The following ZCCHC2 variants were observed in gnomAD, a reference collection of about 807,000 sequenced individuals.
ZCCHC2 encodes the protein zinc finger CCHC domain-containing protein 2.
ZCCHC2 carries 39 observed loss-of-function variants against 103.6 expected under a neutral mutation model. The observed-to-expected ratio is 0.38, with a 90% CI of 0.29 to 0.49. ZCCHC2 has a LOEUF of 0.49. Among genes scored for constraint, ZCCHC2 ranks in the 20% least tolerant of loss-of-function variants. The pLI is 0.96. For synonymous variants in ZCCHC2, 687 were observed against 608.9 expected (o/e 1.13, Z -1.89); for missense variants, 1,483 against 1,491.0 (o/e 0.99, Z 0.09).
intron 1 of ZCCHC2, among the ~76,000 whole-genome samples, chr18:62,534,248 T>G (rs1351525299): frequency 6.6e-6 from 1 of 150,498 alleles, no homozygotes; most frequent in African/African-American, 2.5e-5. Context: ...AGGTCAAGGC[T>G]GAAGTGAGCC....
chr18:62,524,166 G>A lies in ZCCHC2; in HGVS notation c.742G>A (p.Gly248Ser). The change falls in exon 1 of 14, where the codon GGC becomes AGC. Residue 248 changes from glycine to serine, a missense_variant. By Grantham distance (56) the Gly-to-Ser change is moderately conservative (BLOSUM62 0). Transcript: ENST00000269499. Reference sequence around the variant, plus strand: ...AGGCGGCATTGTGGAGCCCCGGGTCGGCGGCGGGCTTGGCTCCAGGGCCCA... The same window carrying A: ...AGGCGGCATTGTGGAGCCCCGGGTCAGCGGCGGGCTTGGCTCCAGGGCCCA... ...PEGGIVEPRV[G>S]GGLGSRAQEE... 6.5e-7 allele frequency: 1 copy of A among 1,546,846 alleles called. No homozygotes were observed. The highest frequency in any genetic ancestry group is 8.7e-7 in the Non-Finnish European group (1 of 1,146,026).
rs1598964068 is a variant in ZCCHC2, at chr18:62,570,839, A to G, written c.1975+608A>G. On this transcript the variant is annotated intron_variant, in intron 12 of 13. Coordinates refer to ENST00000269499, the MANE Select transcript of ZCCHC2 (RefSeq NM_017742.6). ...ATTTACATTTAATGTAATTACTAAT[A>G]AGGTAGGTTTTATGTCTGCCATTTT... Among the ~76,000 whole-genome samples, 2 of 152,206 alleles carry G rather than the reference A, an allele frequency of 1.3e-5. 1 individual carries two copies. The highest frequency in any genetic ancestry group is 4.8e-5 in the African/African-American group (2 of 41,450).
intron 4 of ZCCHC2, among the ~76,000 whole-genome samples, chr18:62,545,476 G>A (rs1271744183): frequency 6.6e-6 from 1 of 151,954 alleles, no homozygotes; most frequent in African/African-American, 2.4e-5. Context: ...CCAAACTACT[G>A]GGAATAAGAA....
chr18:62,524,030 C>G lies in ZCCHC2; in HGVS notation c.606C>G (p.Leu202=). The G allele has an allele frequency of 6.8e-6, 10 of 1,469,190 alleles. No individual in the cohort carries two copies. Among genetic ancestry groups the G allele is most frequent in the Non-Finnish European group, 8.9e-6 (10 of 1,121,874 alleles). The allele number at this position is 1,469,190 out of a possible 1,614,324, so 91.0% of individuals were successfully genotyped here. Residue 202 remains leucine, a synonymous_variant, in exon 1 of 14, where the codon CTC becomes CTG. Coordinates refer to ENST00000269499, the MANE Select transcript of ZCCHC2 (RefSeq NM_017742.6). Reference sequence around the variant, plus strand: ...TGCTACCCCAGGTGGACTCGGTGCTCAAAAGCCTGCGCGCGGCCCGGGGCG... The same window carrying G: ...TGCTACCCCAGGTGGACTCGGTGCTGAAAAGCCTGCGCGCGGCCCGGGGCG... ...HRLLPQVDSV[L]KSLRAARGEG...
chr18:62,572,578 CG>C (rs2090861935), intron 12 of ZCCHC2, among the ~76,000 whole-genome samples: 1 of 152,046 alleles, frequency 6.6e-6, no homozygotes, highest in Non-Finnish European at 1.5e-5. Flanking sequence ...TTGAAAAGGG[CG>C]TGGGTGGCTT....
Position 62,523,374 on chromosome 18 carries a change from C to CGG in ZCCHC2, c.-50_-49dup. ...CCGCCTCGGCCCGTGCTCCACCTCG[C>CGG]GGCCCCTCCCGCCCGCCCCCGCTCG... On this transcript the variant is annotated 5_prime_UTR_variant, in exon 1 of 14. Coordinates refer to ENST00000269499, the MANE Select transcript of ZCCHC2 (RefSeq NM_017742.6). 9.9e-7 allele frequency: 1 copy of CGG among 1,013,910 alleles called. No homozygotes were observed. The highest frequency in any genetic ancestry group is 3.7e-5 in the South Asian group (1 of 27,238). The allele number at this position is 1,013,910 out of a possible 1,614,324, so 62.8% of individuals were successfully genotyped here. A position where few individuals can be genotyped will look rare whatever the true frequency, so the allele number is the denominator to read the frequency against.
chr18:62,573,577 A>G (rs552059937), intron 12 of ZCCHC2, among the ~76,000 whole-genome samples: 4 of 152,364 alleles, frequency 2.6e-5, no homozygotes, highest in South Asian at 4.1e-4. Context: ...AACAACAACA[A>G]CAAAAGAAAA....
chr18:62,556,874 A>G lies in ZCCHC2; in HGVS notation c.1408+577A>G, dbSNP rs551439787. On this transcript the variant is annotated intron_variant, in intron 6 of 13. Coordinates refer to ENST00000269499, the MANE Select transcript of ZCCHC2 (RefSeq NM_017742.6). ...AGATTCTAGTTTCCCACTCTGATCTATCCCTGGATTATCACAAGGATAAAT... is the reference window on the plus strand; with the variant it reads ...AGATTCTAGTTTCCCACTCTGATCTGTCCCTGGATTATCACAAGGATAAAT... 7.2e-5 allele frequency among the ~76,000 whole-genome samples: 11 copies of G among 152,300 alleles called. No homozygotes were observed. In the South Asian group the frequency reaches 1.9e-3, roughly 26 times the overall value.
At position 62,565,059 on chromosome 18, in the gene ZCCHC2, C is replaced by T; in HGVS notation, c.1809C>T (p.Leu603=). 1 of 1,613,616 alleles carries T rather than the reference C, an allele frequency of 6.2e-7. No individual in the cohort carries two copies. ...ATAGTAGAATAAATGGTATTAGACT[C>T]TCCACTCCTCAGCATGCCCATGGTG... The part of the protein sequence containing the change: ...RLNSRINGIR[L]STPQHAHGGT... The change falls in exon 11 of 14, where the codon CTC becomes CTT. Residue 603 remains leucine (L), a synonymous_variant. Coordinates refer to ENST00000269499, the MANE Select transcript of ZCCHC2 (RefSeq NM_017742.6).
intron 3 of ZCCHC2, among the ~76,000 whole-genome samples, chr18:62,543,112 C>G (rs2145498944): frequency 6.6e-6 from 1 of 152,256 alleles, no homozygotes; most frequent in South Asian, 2.1e-4. Context: ...TCCACATCTT[C>G]CTTACTTCTC....
At chr18:62,544,150 A>G (rs1002656636) in intron 3 of ZCCHC2, among the ~76,000 whole-genome samples, 1 of 152,166 alleles carries the variant, frequency 6.6e-6, no homozygotes, top group African/African-American at 2.4e-5. Flanking sequence ...AGCATCGAGG[A>G]GGTAGTGGGT....
At chr18:62,549,457 C>G (rs578254200) in intron 4 of ZCCHC2, among the ~76,000 whole-genome samples, 1 of 152,202 alleles carries the variant, frequency 6.6e-6, no homozygotes, top group African/African-American at 2.4e-5. Flanking sequence ...AAATTTACTT[C>G]GGACTTCTCA....
chr18:62,548,489 C>T (rs142140029), intron 4 of ZCCHC2, among the ~76,000 whole-genome samples: 1,559 of 152,278 alleles, frequency 0.01, 29 homozygotes, highest in African/African-American at 0.035. Context: ...TTTTCACTGA[C>T]ACTGGTTTTC....
intron 11 of ZCCHC2, among the ~76,000 whole-genome samples, chr18:62,566,312 G>A (rs1916362079): frequency 6.6e-6 from 1 of 152,198 alleles, no homozygotes; most frequent in Non-Finnish European, 1.5e-5. Flanking sequence ...AGCATTGGAA[G>A]TGGGAGTAAA....
chr18:62,524,207 G>A lies in ZCCHC2; in HGVS notation c.783G>A (p.Leu261=). Residue 261 remains leucine (L), a synonymous_variant, in exon 1 of 14, where the codon CTG becomes CTA. Transcript: ENST00000269499. ...CCAGGGCCCAGGAGGAACTGCTGCT[G>A]CTCTTCACCATGGCCTCGCTGCACC... ...LGSRAQEELL[L]LFTMASLHPA... is the part of the protein sequence containing the mutation. 5 of 1,549,954 alleles carry A rather than the reference G, an allele frequency of 3.2e-6. No homozygotes were observed. The highest frequency in any genetic ancestry group is 4.4e-6 in the Non-Finnish European group (5 of 1,146,662).
At chr18:62,564,133 A>G (rs1262219288) in intron 9 of ZCCHC2, among the ~76,000 whole-genome samples, 1 of 152,196 alleles carries the variant, frequency 6.6e-6, no homozygotes, top group Non-Finnish European at 1.5e-5. Context: ...AGTTTTAGTC[A>G]TAATTAGTGA....
In ZCCHC2 at chr18:62,574,829, C is replaced by T. The variant is rs1400588612; in HGVS notation, c.2748C>T (p.Tyr916=). The T allele has an allele frequency of 4.3e-6, 7 of 1,613,868 alleles. No individual in the cohort carries two copies. Among genetic ancestry groups the T allele is most frequent in the African/African-American group, 1.3e-5 (1 of 74,912 alleles). The change falls in exon 13 of 14, where the codon TAC becomes TAT. Residue 916 remains tyrosine (Y), a synonymous_variant. Transcript: ENST00000269499. ...CAGCTGCTCAGCCACCAGCTTCCTA[C>T]CCCTTACCAGGCTCTCCCCTTGCTG... The part of the protein sequence containing the change: ...GLSAAQPPAS[Y]PLPGSPLAAG...
At chr18:62,536,711 A>G (rs1391940661) in intron 1 of ZCCHC2, among the ~76,000 whole-genome samples, 2 of 152,216 alleles carry the variant, frequency 1.3e-5, no homozygotes. Context: ...ACGTGATTTT[A>G]TAGCATTGAT....
rs1365016918 is a variant in ZCCHC2 at position 62,523,219 on chromosome 18, C to T, written c.-206C>T. On this transcript the variant is annotated 5_prime_UTR_variant, in exon 1 of 14. Coordinates refer to ENST00000269499, the MANE Select transcript of ZCCHC2 (RefSeq NM_017742.6). ...AGGAGCCGTCGCGGGCACGCCCCGC[C>T]CCCAGCCCGGGAAGACGACGCCAGC... 1 of 235,916 alleles carries T rather than the reference C, an allele frequency of 4.2e-6. No individual in the cohort carries two copies. The highest frequency in any genetic ancestry group is 6.9e-6 in the Non-Finnish European group (1 of 145,050). 14.6% of individuals were successfully genotyped at this position (235,916 alleles called of 1,614,324 possible).
Sources: gnomAD v4.1 joint callset for allele counts (sites outside exome capture counted in the v4.1 genomes callset) on GRCh38, gnomAD v4.1.1 for gene constraint, MANE v1.5 for transcripts, NCBI Gene and HGNC (gene_info 2026-07-23, HGNC 2026-07-21) for gene names.